FAM168A: variants seen among roughly 807,000 people sequenced by gnomAD.
FAM168A encodes protein FAM168A.
A neutral mutation model predicts 28.5 loss-of-function variants in FAM168A; 3 were observed. The ratio of observed to expected loss-of-function variants is 0.11; its 90% CI spans 0.05 to 0.27. The LOEUF is 0.27. FAM168A is among the 10% of genes least tolerant of loss of function. The pLI, the probability that FAM168A is intolerant of heterozygous loss-of-function variation, is 1.00. For missense variants in FAM168A, 222 were observed against 311.5 expected (o/e 0.71, Z 2.16); for synonymous variants, 122 against 124.2 (o/e 0.98, Z 0.12).
intron 1 of FAM168A, among the ~76,000 whole-genome samples, chr11:73,571,243 C>CCCCCCCCCCT (rs1410610985): frequency 8.9e-6 from 1 of 112,630 alleles, no homozygotes; most frequent in African/African-American, 4.0e-5. Context: ...CTCCCCCCCC[C>CCCCCCCCCCT]CTCCCCACAG....
intron 1 of FAM168A, among the ~76,000 whole-genome samples, chr11:73,564,574 TA>T (rs1943997473): frequency 2.0e-5 from 3 of 149,824 alleles, no homozygotes; most frequent in Non-Finnish European, 4.4e-5. Flanking sequence ...CCGTCTCTAC[TA>T]AAAATACAAA....
intron 1 of FAM168A, among the ~76,000 whole-genome samples, chr11:73,561,886 A>G (rs750948848): frequency 3.9e-5 from 6 of 152,124 alleles, no homozygotes; most frequent in Non-Finnish European, 8.8e-5. Flanking sequence ...ACGATTCTTG[A>G]TCTTGAATTT....
chr11:73,517,535 G>A (rs1943321150), intron 1 of FAM168A, among the ~76,000 whole-genome samples: 1 of 152,040 alleles, frequency 6.6e-6, no homozygotes, highest in East Asian at 1.9e-4. Context: ...GTACTGTTTC[G>A]GCGGGGGCGG....
intron 2 of FAM168A, among the ~76,000 whole-genome samples, chr11:73,434,682 T>G (rs956027783): frequency 6.6e-6 from 1 of 152,222 alleles, no homozygotes; most frequent in Admixed American, 6.5e-5. Flanking sequence ...TGTGAGGACT[T>G]AGACTTCTAT....
Position 73,484,522 on chromosome 11 carries a change from A to ATCTATC in FAM168A, c.-18-16031_-18-16030insGATAGA, listed in dbSNP as rs1182048611. Among the ~76,000 whole-genome samples, 177 of 142,740 alleles carry ATCTATC rather than the reference A, an allele frequency of 1.2e-3. 1 individual carries two copies. The highest frequency in any genetic ancestry group is 3.7e-3 in the Middle Eastern group (1 of 272). 93.6% of individuals were successfully genotyped at this position (142,740 alleles called of 152,430 possible). A position where few individuals can be genotyped will look rare whatever the true frequency, so the allele number is the denominator to read the frequency against. ...AGGAGAGAGAGATATATATAGATAT[A>ATCTATC]TATATCTATATATCTATATATCTAT... is the stretch of plus-strand genomic sequence containing the variant. On this transcript the variant is annotated intron_variant, in intron 1 of 7. Transcript: ENST00000356467.
chr11:73,496,034 GATGA>G (rs1027383826), intron 1 of FAM168A, among the ~76,000 whole-genome samples: 5 of 152,246 alleles, frequency 3.3e-5, no homozygotes, highest in Admixed American at 2.0e-4. Context: ...AATGTCCACT[GATGA>G]ATGAATGGAT....
chr11:73,408,566 C>T (rs1025023767), intron 6 of FAM168A, among the ~76,000 whole-genome samples: 1 of 152,044 alleles, frequency 6.6e-6, no homozygotes, highest in African/African-American at 2.4e-5. Flanking sequence ...ATCCCTTGAG[C>T]CCAAGAGTTC....
intron 4 of FAM168A, among the ~76,000 whole-genome samples, chr11:73,418,515 CCCAG>C (rs1866733857): frequency 6.6e-6 from 1 of 152,210 alleles, no homozygotes; most frequent in Admixed American, 6.5e-5. Flanking sequence ...TTATGAATTA[CCCAG>C]CCTCAGGTAT....
intron 1 of FAM168A, among the ~76,000 whole-genome samples, chr11:73,567,586 C>A (rs930120085): frequency 3.9e-5 from 6 of 152,174 alleles, no homozygotes; most frequent in African/African-American, 1.4e-4. Flanking sequence ...CACTCCCCTA[C>A]CACAACCCTC....
At chr11:73,523,864 AT>A (rs112025313) in intron 1 of FAM168A, among the ~76,000 whole-genome samples, 6 of 145,224 alleles carry the variant, frequency 4.1e-5, no homozygotes, top group Admixed American at 2.7e-4. Context: ...CTTTTCCCCT[AT>A]TTTTTTTTTT....
chr11:73,502,014 C>T (rs547519369), intron 1 of FAM168A, among the ~76,000 whole-genome samples: 17 of 150,198 alleles, frequency 1.1e-4, no homozygotes, highest in South Asian at 2.1e-4. Flanking sequence ...GGCAGGAGAA[C>T]GGCATGAACC....
intron 2 of FAM168A, among the ~76,000 whole-genome samples, chr11:73,462,642 A>G (rs371564106): frequency 6.6e-6 from 1 of 152,162 alleles, no homozygotes; most frequent in South Asian, 2.1e-4. Context: ...TTGTGAGGCC[A>G]AGGCAAGTGG....
At chr11:73,515,891 A>C (rs2134644099) in intron 1 of FAM168A, among the ~76,000 whole-genome samples, 2 of 152,190 alleles carry the variant, frequency 1.3e-5, no homozygotes, top group South Asian at 4.2e-4. Context: ...TCACAAGGTC[A>C]GGAGATCGAG....
chr11:73,475,640 T>TA (rs141436441), intron 1 of FAM168A, among the ~76,000 whole-genome samples: 16,085 of 149,076 alleles, frequency 0.11, 885 homozygotes, highest in African/African-American at 0.13. Flanking sequence ...GATGAAATGT[T>TA]AAAAAAAAAA....
intron 1 of FAM168A, among the ~76,000 whole-genome samples, chr11:73,479,939 C>T (rs2134592138): frequency 6.6e-6 from 1 of 152,284 alleles, no homozygotes; most frequent in East Asian, 1.9e-4. Context: ...AAGAAAACTC[C>T]ATTTCAGTGG....
intron 3 of FAM168A, among the ~76,000 whole-genome samples, chr11:73,421,597 T>C (rs1866794119): frequency 6.9e-6 from 1 of 144,510 alleles, no homozygotes; most frequent in African/African-American, 2.8e-5. Flanking sequence ...TAAACAATCA[T>C]TTTGCGTTTC....
intron 2 of FAM168A, among the ~76,000 whole-genome samples, chr11:73,451,005 G>A (rs756223208): frequency 3.3e-5 from 5 of 152,164 alleles, no homozygotes; most frequent in Non-Finnish European, 7.4e-5. Flanking sequence ...AACCAGGAAT[G>A]AATAGGTGCA....
chr11:73,420,053 C>T (rs1458700467), intron 3 of FAM168A, 54 bp from the exon 4 acceptor site: 116 of 1,598,440 alleles, frequency 7.3e-5, no homozygotes, highest in Non-Finnish European at 9.7e-5. Flanking sequence ...TGGCCACCAC[C>T]AATCACAGAC....
intron 1 of FAM168A, among the ~76,000 whole-genome samples, chr11:73,554,173 G>A (rs978472733): frequency 7.2e-5 from 11 of 151,844 alleles, no homozygotes; most frequent in Admixed American, 4.6e-4. Context: ...CCAGGAGTTC[G>A]AGACCAGCCC....
Sources: gnomAD v4.1 joint callset for allele counts (sites outside exome capture counted in the v4.1 genomes callset) on GRCh38, gnomAD v4.1.1 for gene constraint, MANE v1.5 for transcripts, NCBI Gene and HGNC (gene_info 2026-07-23, HGNC 2026-07-21) for gene names.